TRIM44: variants seen among roughly 807,000 people sequenced by gnomAD.
TRIM44 encodes the protein tripartite motif-containing protein 44.
Under a neutral mutation model 37.4 loss-of-function variants are expected in TRIM44, and 13 were observed. That is an observed-to-expected ratio of 0.35 (90% CI 0.23 to 0.55). The LOEUF is 0.55. Ranked by LOEUF, TRIM44 falls within the 20% of genes least tolerant of loss-of-function variation. TRIM44 has a pLI of 0.89. For synonymous variants in TRIM44, 175 were observed against 157.2 expected, an observed-to-expected ratio of 1.11 and a Z score of -0.85; for missense variants, 426 against 437.2, an observed-to-expected ratio of 0.97 and a Z score of 0.23.
intron 2 of TRIM44, among the ~76,000 whole-genome samples, chr11:35,686,358 T>G (rs991108905): frequency 1.3e-5 from 2 of 150,220 alleles, no homozygotes; most frequent in East Asian, 2.0e-4. Flanking sequence ...TGTAGGTTCT[T>G]TTTGTTTTTG....
intron 4 of TRIM44, among the ~76,000 whole-genome samples, chr11:35,793,213 A>G (rs114299551): frequency 6.6e-6 from 1 of 151,936 alleles, no homozygotes; most frequent in African/African-American, 2.4e-5. Context: ...TTTTTTAAAA[A>G]ACAAACAACA....
intron 1 of TRIM44, among the ~76,000 whole-genome samples, chr11:35,677,188 TCC>T (rs1449447773): frequency 2.0e-5 from 3 of 152,204 alleles, no homozygotes; most frequent in Non-Finnish European, 2.9e-5. Context: ...GGGATTTGAA[TCC>T]AGGCCTGACA....
chr11:35,730,110 C>T (rs1852236708), intron 3 of TRIM44, among the ~76,000 whole-genome samples: 1 of 152,090 alleles, frequency 6.6e-6, no homozygotes, highest in Non-Finnish European at 1.5e-5. Flanking sequence ...TTTCAGTGAG[C>T]AATTACAAGC....
chr11:35,676,170 T>C (rs918585613), intron 1 of TRIM44, among the ~76,000 whole-genome samples: 3 of 152,220 alleles, frequency 2.0e-5, no homozygotes, highest in Non-Finnish European at 4.4e-5. Context: ...TTTCTCCTTA[T>C]TGAGTTATGA....
intron 4 of TRIM44, among the ~76,000 whole-genome samples, chr11:35,744,596 G>A (rs1423983528): frequency 6.6e-6 from 1 of 151,752 alleles, no homozygotes; most frequent in Middle Eastern, 3.2e-3. Context: ...GGGTACATGT[G>A]CAGGACGTGC....
At chr11:35,730,946 C>T (rs1011339820) in intron 3 of TRIM44, among the ~76,000 whole-genome samples, 8 of 147,528 alleles carry the variant, frequency 5.4e-5, no homozygotes, top group African/African-American at 2.0e-4. Flanking sequence ...AGCCTTATAT[C>T]TTGTAACCTT....
intron 2 of TRIM44, among the ~76,000 whole-genome samples, chr11:35,699,066 G>A (rs557742642): frequency 6.8e-6 from 1 of 147,562 alleles, no homozygotes. Context: ...TCTTGTTTTT[G>A]TCAGGTTTGT....
intron 2 of TRIM44, among the ~76,000 whole-genome samples, chr11:35,719,629 G>T (rs928418748): frequency 6.6e-6 from 1 of 152,058 alleles, no homozygotes; most frequent in Non-Finnish European, 1.5e-5. Flanking sequence ...TATACCCAAG[G>T]TCATCTAGCT....
At chr11:35,758,505 G>A (rs868864220) in intron 4 of TRIM44, among the ~76,000 whole-genome samples, 1 of 152,088 alleles carries the variant, frequency 6.6e-6, no homozygotes, top group Non-Finnish European at 1.5e-5. Flanking sequence ...TTACATTTAA[G>A]ATTAATATTG....
chr11:35,768,189 G>A (rs890360484), intron 4 of TRIM44, among the ~76,000 whole-genome samples: 6 of 152,214 alleles, frequency 3.9e-5, no homozygotes, highest in African/African-American at 1.2e-4. Flanking sequence ...CAAACTTTGA[G>A]TGTAGACTGT....
chr11:35,752,152 CTT>C (rs201354964), intron 4 of TRIM44, among the ~76,000 whole-genome samples: 1 of 146,840 alleles, frequency 6.8e-6, no homozygotes, highest in Non-Finnish European at 1.5e-5. Flanking sequence ...CAATATCTTT[CTT>C]TTTTTTTTTG....
At chr11:35,732,030 A>G (rs963715540) in intron 3 of TRIM44, among the ~76,000 whole-genome samples, 1 of 152,192 alleles carries the variant, frequency 6.6e-6, no homozygotes, top group Non-Finnish European at 1.5e-5. Context: ...GCAGAATCTT[A>G]GTTCTTATAA....
intron 2 of TRIM44, among the ~76,000 whole-genome samples, chr11:35,717,512 C>T (rs949488685): frequency 2.0e-5 from 3 of 152,238 alleles, no homozygotes; most frequent in Non-Finnish European, 2.9e-5. Flanking sequence ...TTAAAAAACC[C>T]CAGTCCTCAA....
intron 1 of TRIM44, among the ~76,000 whole-genome samples, chr11:35,676,259 T>C (rs1421158845): frequency 6.6e-6 from 1 of 152,216 alleles, no homozygotes; most frequent in Non-Finnish European, 1.5e-5. Flanking sequence ...AATGGGTTGC[T>C]CTTATTCTTA....
chr11:35,736,123 A>G (rs910821952), intron 4 of TRIM44, among the ~76,000 whole-genome samples: 1 of 152,206 alleles, frequency 6.6e-6, no homozygotes, highest in Non-Finnish European at 1.5e-5. Context: ...GAATATTTGT[A>G]CAAAGTAAAA....
intron 4 of TRIM44, among the ~76,000 whole-genome samples, chr11:35,793,441 C>T (rs1853243360): frequency 6.6e-6 from 1 of 152,120 alleles, no homozygotes; most frequent in African/African-American, 2.4e-5. Flanking sequence ...AGGAGAGTCG[C>T]TTGAACCCAA....
chr11:35,687,652 T>C (rs1168450803), intron 2 of TRIM44, among the ~76,000 whole-genome samples: 1 of 152,230 alleles, frequency 6.6e-6, no homozygotes, highest in African/African-American at 2.4e-5. Context: ...TAAAGTGCTT[T>C]GGGATCCTTT....
rs1852170488 is a variant in TRIM44, at chr11:35,726,037, G to A, written c.861G>A (p.Met287Ile). Residue 287 changes from methionine (M) to isoleucine (I), a missense_variant, in exon 3 of 5, where the codon ATG becomes ATA. Coordinates refer to ENST00000299413, the MANE Select transcript of TRIM44 (RefSeq NM_017583.6). ...ALHLVDIQEA[M>I]ATAHVTEILA... ...ATCTAGTGGACATCCAAGAGGCAATGGCCACAGCTCATGTGACTGAGATAC... is the reference window on the plus strand; with the variant it reads ...ATCTAGTGGACATCCAAGAGGCAATAGCCACAGCTCATGTGACTGAGATAC... 6.2e-7 allele frequency: 1 copy of A among 1,614,138 alleles called. No individual in the cohort carries two copies.
intron 4 of TRIM44, among the ~76,000 whole-genome samples, chr11:35,743,903 G>T (rs1016415912): frequency 6.6e-6 from 1 of 152,134 alleles, no homozygotes; most frequent in African/African-American, 2.4e-5. Context: ...AAAAATTGTC[G>T]TAATGTGCTG....
Sources: gnomAD v4.1 joint callset for allele counts (sites outside exome capture counted in the v4.1 genomes callset) on GRCh38, gnomAD v4.1.1 for gene constraint, MANE v1.5 for transcripts, NCBI Gene and HGNC (gene_info 2026-07-23, HGNC 2026-07-21) for gene names.